The following CEP44 variants were observed in gnomAD, a reference collection of about 807,000 sequenced individuals.
The protein encoded by CEP44 is centrosomal protein of 44 kDa.
A neutral mutation model predicts 46.7 loss-of-function variants in CEP44; 45 were observed. The observed-to-expected ratio is 0.96, with a 90% confidence interval of 0.76 to 1.24. The LOEUF (loss-of-function observed/expected upper bound fraction) is 1.24. Ranked by LOEUF, CEP44 falls within the 50% of genes most tolerant of loss-of-function variation. CEP44 has a pLI of 0.00. For synonymous variants in CEP44, 142 were observed against 146.0 expected, an observed-to-expected ratio of 0.97 and a Z score of 0.20; for missense variants, 475 against 459.7, an observed-to-expected ratio of 1.03 and a Z score of -0.30.
rs1303642866 is a variant in CEP44 at position 174,325,807 on chromosome 4, G to A, written c.1087-5675G>A. Among the ~76,000 whole-genome samples, 1 of 152,116 alleles carries A rather than the reference G, an allele frequency of 6.6e-6. No individual in the cohort carries two copies. Among genetic ancestry groups the A allele is most frequent in the Non-Finnish European group, 1.5e-5 (1 of 68,024 alleles). ...AGGACTGCTATTTCTTCATGATAAA[G>A]AGACTTATTTCTTATTATGAGTTGG... On this transcript the variant is annotated intron_variant, in intron 8 of 8. Transcript: ENST00000426172. The surrounding 1 kb of genome is among the most constrained non-coding windows in gnomAD (Gnocchi z 4.4).
chr4:174,306,542 T>A (rs1048484973), intron 6 of CEP44, among the ~76,000 whole-genome samples: 2 of 152,148 alleles, frequency 1.3e-5, no homozygotes, highest in Non-Finnish European at 2.9e-5. Context: ...AATGTAAGAA[T>A]TGTTTTAAAA....
chr4:174,289,859 CAG>C (rs1203222835), intron 1 of CEP44, among the ~76,000 whole-genome samples: 3 of 146,998 alleles, frequency 2.0e-5, no homozygotes, highest in Admixed American at 6.8e-5. Flanking sequence ...TTCTTTGAGA[CAG>C]AGTCTTGCTC....
chr4:174,308,175 G>A (rs1740652071), intron 6 of CEP44, among the ~76,000 whole-genome samples: 1 of 152,054 alleles, frequency 6.6e-6, no homozygotes, highest in East Asian at 1.9e-4. Flanking sequence ...ATTCACAATA[G>A]CAAAGACATG....
chr4:174,310,171 A>C lies in CEP44; in HGVS notation c.885+115A>C. ...AATATGAGAATATTTGAATAATGAGAAAATGTCTAGTTAGAATGAAGTCCT... is the reference window on the plus strand; with the variant it reads ...AATATGAGAATATTTGAATAATGAGCAAATGTCTAGTTAGAATGAAGTCCT... On this transcript the variant is annotated intron_variant, in intron 8 of 11. Transcript: ENST00000503780. The surrounding 1 kb of genome is among the most constrained non-coding windows in gnomAD (Gnocchi z 4.2). 1.1e-6 allele frequency: 1 copy of C among 934,468 alleles called. No individual in the cohort carries two copies. The highest frequency in any genetic ancestry group is 1.6e-6 in the Non-Finnish European group (1 of 637,588). 57.9% of individuals were successfully genotyped at this position (934,468 alleles called of 1,614,324 possible).
downstream of CEP44, among the ~76,000 whole-genome samples, chr4:174,322,294 G>A (rs1454739989): frequency 2.0e-5 from 3 of 151,910 alleles, no homozygotes; most frequent in East Asian, 5.8e-4. Flanking sequence ...CTTTCTGAAT[G>A]TGCTGGGCTT....
chr4:174,289,939 A>G (rs1737998293), intron 1 of CEP44, among the ~76,000 whole-genome samples: 1 of 151,812 alleles, frequency 6.6e-6, no homozygotes, highest in Non-Finnish European at 1.5e-5. Context: ...CCCGGGTTCA[A>G]GTGATTCTCC....
chr4:174,289,256 G>A (rs1737892437), intron 1 of CEP44, among the ~76,000 whole-genome samples: 1 of 148,632 alleles, frequency 6.7e-6, no homozygotes, highest in Non-Finnish European at 1.5e-5. Context: ...GTATCAGGGT[G>A]ATGCAGGCCT....
In CEP44 at chr4:174,329,341, G is replaced by GACACACAC. The variant is rs374868449; in HGVS notation, c.1087-2129_1087-2122dup. Among the ~76,000 whole-genome samples, 1 of 150,220 alleles carries GACACACAC rather than the reference G, an allele frequency of 6.7e-6. No homozygotes were observed. The highest frequency in any genetic ancestry group is 1.5e-5 in the Non-Finnish European group (1 of 67,384). ...TTGCTCAAACACAGACACACACACA[G>GACACACAC]ACACACACACACACACACATTTTAA... On this transcript the variant is annotated intron_variant, in intron 8 of 8. Transcript: ENST00000426172. This position sits in a 1 kb window ranked among gnomAD's most constrained non-coding sequence, Gnocchi z 4.0.
At chr4:174,296,924 A>G (rs1232732342) in intron 1 of CEP44, among the ~76,000 whole-genome samples, 2 of 151,912 alleles carry the variant, frequency 1.3e-5, no homozygotes, top group East Asian at 1.9e-4. Flanking sequence ...TACATTAAAG[A>G]TTGTTATATT....
Position 174,316,230 on chromosome 4 carries a change from ATCAGAT to A in CEP44, c.1030_1035del (p.Asp344_Ser345del). On this transcript the variant is annotated inframe_deletion, in exon 10 of 12. Transcript: ENST00000503780. ...TGTCCTCTGGCTATAGTACAGCATC[ATCAGAT>A]TCAACTCCCAGAGCCTCTACTGTTA... 1 of 1,613,584 alleles carries A rather than the reference ATCAGAT, an allele frequency of 6.2e-7. No individual in the cohort carries two copies. Among genetic ancestry groups the A allele is most frequent in the Non-Finnish European group, 8.5e-7 (1 of 1,179,502 alleles).
At chr4:174,328,879 A>G (rs1731159498) in intron 8 of CEP44, among the ~76,000 whole-genome samples, 1 of 152,198 alleles carries the variant, frequency 6.6e-6, no homozygotes, top group African/African-American at 2.4e-5. Flanking sequence ...GAAATTACAT[A>G]GAAAAACTTA....
At chr4:174,316,362 T>C in intron 10 of CEP44, 72 bp downstream of exon 10, 1 of 1,498,344 alleles carries the variant, frequency 6.7e-7, no homozygotes, top group Non-Finnish European at 9.2e-7. Context: ...GTTGTAAATA[T>C]TGCTAGCAAG....
chr4:174,316,568 G>A lies in CEP44; in HGVS notation c.1124+1G>A, dbSNP rs1560916863. ...AGAAAATGGAAAGGATGAAAAAAAT[G>A]TAAGTAACAGAAAGGGGCAACAGAA... is the stretch of plus-strand genomic sequence containing the variant. On this transcript the variant is annotated splice_donor_variant, in intron 11 of 11. Coordinates refer to ENST00000503780, the MANE Select transcript of CEP44 (RefSeq NM_001040157.3). LOFTEE classifies it high-confidence loss of function. The A allele has an allele frequency of 2.5e-6, 4 of 1,589,810 alleles. No homozygotes were observed. The highest frequency in any genetic ancestry group is 3.4e-6 in the Non-Finnish European group (4 of 1,165,512).
intron 1 of CEP44, among the ~76,000 whole-genome samples, chr4:174,289,544 C>A (rs1481314097): frequency 1.3e-5 from 2 of 151,678 alleles, no homozygotes; most frequent in Non-Finnish European, 2.9e-5. Flanking sequence ...TATAATTGTT[C>A]ATAATAGTCC....
intron 1 of CEP44, among the ~76,000 whole-genome samples, chr4:174,294,836 G>A (rs939816957): frequency 6.5e-5 from 9 of 138,052 alleles, no homozygotes; most frequent in Non-Finnish European, 1.3e-4. Context: ...CGGACGGGAC[G>A]GCTGGCCGGG....
intron 1 of CEP44, chr4:174,285,320 C>T (rs1380687282): frequency 5.9e-5 from 9 of 152,126 alleles, no homozygotes; most frequent in Non-Finnish European, 8.8e-5. Context: ...TTATAGTAGA[C>T]TTAGTAAAGC....
chr4:174,323,735 T>C (rs1480483208), downstream of CEP44, among the ~76,000 whole-genome samples: 2 of 152,150 alleles, frequency 1.3e-5, no homozygotes, highest in Non-Finnish European at 2.9e-5. Flanking sequence ...GTTCGCAAGA[T>C]GGTGTCGTTG....
rs1737568198 is a variant in CEP44, at chr4:174,286,207, G to C, written c.-148+2264G>C. On this transcript the variant is annotated intron_variant, in intron 1 of 11. Transcript: ENST00000503780. The surrounding 1 kb of genome is among the most constrained non-coding windows in gnomAD (Gnocchi z 5.2). ...GCAGTTGCTCTACCCTGGGGAAATG[G>C]CTGTGGAAATGAGTGGCGAGGGGCT... Among the ~76,000 whole-genome samples, 1 of 152,200 alleles carries C rather than the reference G, an allele frequency of 6.6e-6. No homozygotes were observed. The highest frequency in any genetic ancestry group is 2.1e-4 in the South Asian group (1 of 4,836).
downstream of CEP44, among the ~76,000 whole-genome samples, chr4:174,324,759 A>G (rs552216745): frequency 2.9e-4 from 44 of 152,222 alleles, no homozygotes; most frequent in Middle Eastern, 3.4e-3. Flanking sequence ...CCTGAGTAGC[A>G]GGGTTTCAGT....
Sources: allele counts gnomAD v4.1 joint callset (sites outside exome capture counted in the v4.1 genomes callset), GRCh38; gene constraint gnomAD v4.1.1; non-coding constraint Gnocchi (gnomAD v3.1); transcripts MANE v1.5; gene names NCBI Gene and HGNC (gene_info 2026-07-23, HGNC 2026-07-21).